PEBP4: variants seen among roughly 807,000 people sequenced by gnomAD.
PEBP4 encodes phosphatidylethanolamine binding protein 4, also known as phosphatidylethanolamine-binding protein 4.
PEBP4 carries 22 observed loss-of-function variants against 23.9 expected under a neutral mutation model. The observed-to-expected ratio is 0.92, with a 90% CI of 0.66 to 1.31. The LOEUF (loss-of-function observed/expected upper bound fraction) is 1.31, where lower values mean the gene tolerates loss of function less well. Among genes scored for constraint, PEBP4 ranks in the 40% most tolerant of loss-of-function variants. The probability of loss-of-function intolerance (pLI) is 0.00; values close to 1 mark genes in which losing one functional copy is unlikely to be tolerated. For missense variants in PEBP4, 324 were observed against 281.7 expected (o/e 1.15, Z -1.07); for synonymous variants, 112 against 99.3 (o/e 1.13, Z -0.76).
intron 4 of PEBP4, among the ~76,000 whole-genome samples, chr8:22,768,696 G>A (rs1398629783): frequency 1.3e-5 from 2 of 151,602 alleles, no homozygotes; most frequent in African/African-American, 4.8e-5. Context: ...GGGGAGGGTG[G>A]CAAGGAGGTA....
At chr8:22,759,470 C>G (rs1453855495) in intron 4 of PEBP4, among the ~76,000 whole-genome samples, 1 of 151,956 alleles carries the variant, frequency 6.6e-6, no homozygotes, top group Non-Finnish European at 1.5e-5. Context: ...TCTTTGTGCA[C>G]CTTGGCACCC....
At chr8:22,821,484 T>C (rs992047823) in intron 3 of PEBP4, among the ~76,000 whole-genome samples, 1 of 151,944 alleles carries the variant, frequency 6.6e-6, no homozygotes, top group Non-Finnish European at 1.5e-5. Context: ...ATATTAGGGG[T>C]AGCAAAGTCA....
chr8:22,909,677 T>C (rs1449541347), intron 3 of PEBP4, among the ~76,000 whole-genome samples: 1 of 151,166 alleles, frequency 6.6e-6, no homozygotes, highest in East Asian at 1.9e-4. Context: ...TACTGTGGAG[T>C]GGTTAGGGGC....
upstream of PEBP4, among the ~76,000 whole-genome samples, chr8:22,932,574 C>CT (rs779065342): frequency 6.6e-6 from 1 of 152,048 alleles, no homozygotes; most frequent in Non-Finnish European, 1.5e-5. Flanking sequence ...GATGAACTAA[C>CT]TTTATAGAAG....
intron 4 of PEBP4, among the ~76,000 whole-genome samples, chr8:22,766,145 C>A (rs1253044919): frequency 6.6e-6 from 1 of 152,246 alleles, no homozygotes; most frequent in Non-Finnish European, 1.5e-5. Flanking sequence ...CTCACCCTCA[C>A]GCCACAGTCT....
At chr8:22,898,674 G>A (rs1808646804) in intron 3 of PEBP4, among the ~76,000 whole-genome samples, 1 of 152,222 alleles carries the variant, frequency 6.6e-6, no homozygotes, top group Non-Finnish European at 1.5e-5. Context: ...CCCCTTGGCT[G>A]TTAGCTCCTC....
intron 4 of PEBP4, among the ~76,000 whole-genome samples, chr8:22,813,608 T>C (rs1466093885): frequency 6.6e-6 from 1 of 152,196 alleles, no homozygotes; most frequent in African/African-American, 2.4e-5. Flanking sequence ...CCTAATGAGC[T>C]TTCAGCATGA....
chr8:22,840,126 G>A (rs1807292450), intron 3 of PEBP4, among the ~76,000 whole-genome samples: 1 of 152,120 alleles, frequency 6.6e-6, no homozygotes, highest in Non-Finnish European at 1.5e-5. Context: ...ATTCCAGAAA[G>A]GCTCAGAGAA....
chr8:22,803,927 G>A (rs1028824685), intron 4 of PEBP4, among the ~76,000 whole-genome samples: 1 of 152,146 alleles, frequency 6.6e-6, no homozygotes, highest in Non-Finnish European at 1.5e-5. Flanking sequence ...CCATGGCCAC[G>A]GCTCTTGCCT....
intron 3 of PEBP4, among the ~76,000 whole-genome samples, chr8:22,842,022 G>A (rs1807339575): frequency 6.6e-6 from 1 of 152,240 alleles, no homozygotes. Flanking sequence ...TATGTTCAAA[G>A]TATTTCAAGT....
intron 1 of PEBP4, among the ~76,000 whole-genome samples, chr8:22,936,837 G>A (rs1032399937): frequency 6.6e-6 from 1 of 152,070 alleles, no homozygotes; most frequent in Non-Finnish European, 1.5e-5. Context: ...CACATTAATA[G>A]AATGAAGGAA....
intron 4 of PEBP4, among the ~76,000 whole-genome samples, chr8:22,770,458 C>G (rs374162503): frequency 7.2e-5 from 11 of 152,256 alleles, no homozygotes; most frequent in African/African-American, 2.7e-4. Context: ...CCTGTCCTCT[C>G]TCTCCCTACC....
At chr8:22,808,171 A>G (rs1806542995) in intron 4 of PEBP4, among the ~76,000 whole-genome samples, 1 of 150,966 alleles carries the variant, frequency 6.6e-6, no homozygotes, top group African/African-American at 2.4e-5. Context: ...CTATCCATGC[A>G]TCTGTCCATC....
intron 1 of PEBP4, among the ~76,000 whole-genome samples, chr8:22,935,481 G>A (rs546017662): frequency 5.3e-5 from 8 of 152,272 alleles, no homozygotes; most frequent in African/African-American, 1.4e-4. Flanking sequence ...AGCTGAGATC[G>A]CTCCACTGCA....
At chr8:22,739,682 G>A (rs1227921703) in intron 4 of PEBP4, among the ~76,000 whole-genome samples, 3 of 152,238 alleles carry the variant, frequency 2.0e-5, no homozygotes, top group Non-Finnish European at 4.4e-5. Context: ...CCACAGTTCT[G>A]GAGAGTGGCT....
At chr8:22,819,034 G>C (rs1806803512) in intron 3 of PEBP4, among the ~76,000 whole-genome samples, 1 of 152,216 alleles carries the variant, frequency 6.6e-6, no homozygotes, top group Non-Finnish European at 1.5e-5. Flanking sequence ...ATGCCCCTCA[G>C]AATATAGGTA....
chr8:22,932,794 C>T (rs919727011), upstream of PEBP4, among the ~76,000 whole-genome samples: 20 of 152,094 alleles, frequency 1.3e-4, no homozygotes, highest in African/African-American at 4.3e-4. Context: ...CATCTGAGGT[C>T]AGGAGTTCAA....
At chr8:22,725,822 G>A (rs1804612455) in intron 5 of PEBP4, among the ~76,000 whole-genome samples, 1 of 152,080 alleles carries the variant, frequency 6.6e-6, no homozygotes, top group Admixed American at 6.5e-5. Context: ...GTCCTTTATG[G>A]CCATCTCCCC....
intron 3 of PEBP4, among the ~76,000 whole-genome samples, chr8:22,874,338 G>A (rs1002214261): frequency 1.3e-5 from 2 of 152,142 alleles, no homozygotes; most frequent in African/African-American, 4.8e-5. Context: ...TCAAAAGCCC[G>A]AAAAGCAATA....
Sources: gnomAD v4.1 joint callset for allele counts (sites outside exome capture counted in the v4.1 genomes callset) on GRCh38, gnomAD v4.1.1 for gene constraint, MANE v1.5 for transcripts, NCBI Gene and HGNC (gene_info 2026-07-23, HGNC 2026-07-21) for gene names.